Variants in IRAK3 observed in about 807,000 individuals in gnomAD.
IRAK3 encodes the protein interleukin 1 receptor associated kinase 3, also known as interleukin-1 receptor-associated kinase 3.
In IRAK3, 57 loss-of-function variants were observed where a neutral mutation model predicts 56.6. The ratio of observed to expected loss-of-function variants is 1.01; its 90% CI spans 0.81 to 1.26. The LOEUF (loss-of-function observed/expected upper bound fraction) is 1.26. Among genes scored for constraint, IRAK3 ranks in the 50% most tolerant of loss-of-function variants. The pLI, the probability that IRAK3 is intolerant of heterozygous loss-of-function variation, is 0.00. For synonymous variants in IRAK3, 258 were observed against 255.7 expected, an observed-to-expected ratio of 1.01 and a Z score of -0.09; for missense variants, 703 against 719.0, an observed-to-expected ratio of 0.98 and a Z score of 0.25.
intron 1 of IRAK3, chr12:66,197,630 G>A: frequency 1.0e-6 from 1 of 985,414 alleles, no homozygotes; most frequent in Middle Eastern, 5.2e-4. Context: ...CATTTTAACA[G>A]TCTGGATCAG....
chr12:66,212,370 T>A (rs910362335), intron 5 of IRAK3, among the ~76,000 whole-genome samples: 1 of 152,194 alleles, frequency 6.6e-6, no homozygotes, highest in Non-Finnish European at 1.5e-5. Flanking sequence ...AGACAGTTGA[T>A]TGACTGCAGC....
At position 66,235,160 on chromosome 12, in the gene IRAK3, T is replaced by A. The variant is rs967505345; in HGVS notation, c.887+6790T>A. 5 of 1,613,840 alleles carry A rather than the reference T, an allele frequency of 3.1e-6. No individual in the cohort carries two copies. In the African/African-American group the frequency reaches 6.7e-5, roughly 22 times the overall value. ...GTTGCTGCTGCTGCTACTGTTGTTA[T>A]TACTGCTGGTGGTGCTGGGACTGGG... On this transcript the variant is annotated intron_variant, in intron 8 of 11. Coordinates refer to ENST00000261233, the MANE Select transcript of IRAK3 (RefSeq NM_007199.3).
chr12:66,189,512 TG>T, intron 1 of IRAK3, 80 bp downstream of exon 1: 1 of 978,614 alleles, frequency 1.0e-6, no homozygotes, highest in Non-Finnish European at 1.3e-6. Flanking sequence ...CCTGCATGGC[TG>T]GGGTCCCTCG....
intron 5 of IRAK3, among the ~76,000 whole-genome samples, chr12:66,212,359 A>T (rs748325183): frequency 2.0e-5 from 3 of 152,206 alleles, no homozygotes; most frequent in African/African-American, 4.8e-5. Flanking sequence ...AGGAGGTCAG[A>T]AGACAGTTGA....
At chr12:66,203,939 CTG>C (rs1368378269) in intron 2 of IRAK3, 46 bp downstream of exon 2, 1 of 1,482,786 alleles carries the variant, frequency 6.7e-7, no homozygotes, top group Non-Finnish European at 9.4e-7. Flanking sequence ...GTAATAGGAA[CTG>C]TAATTTGTAA....
intron 11 of IRAK3, among the ~76,000 whole-genome samples, chr12:66,245,529 C>CTTTTTTT (rs745553622): frequency 6.6e-5 from 5 of 75,388 alleles, no homozygotes; most frequent in Non-Finnish European, 6.9e-5. Context: ...TTTATTCAAT[C>CTTTTTTT]TTTTTTTTTT....
At chr12:66,232,609 G>C (rs2052855249) in intron 8 of IRAK3, among the ~76,000 whole-genome samples, 1 of 152,168 alleles carries the variant, frequency 6.6e-6, no homozygotes, top group African/African-American at 2.4e-5. Context: ...TTACCCTCCT[G>C]AATCTCTTTT....
rs1348686082 is a variant in IRAK3, at chr12:66,251,673, T to C, written c.*3502T>C. ...TGACTCACTGCATAATATTGTAGTT[T>C]TATAGGGTGGCACATCACCCTGTGT... On this transcript the variant is annotated 3_prime_UTR_variant, in exon 12 of 12. Coordinates refer to ENST00000261233, the MANE Select transcript of IRAK3 (RefSeq NM_007199.3). The C allele has an allele frequency of 6.6e-6, 1 of 152,242 alleles. No homozygotes were observed. Among genetic ancestry groups the C allele is most frequent in the Non-Finnish European group, 1.5e-5 (1 of 68,046 alleles). The allele number at this position is 152,242 out of a possible 1,614,324, so 9.4% of individuals were successfully genotyped here. A position where few individuals can be genotyped will look rare whatever the true frequency, so the allele number is the denominator to read the frequency against.
At position 66,251,366 on chromosome 12, in the gene IRAK3, T is replaced by C. The variant is rs1016418652; in HGVS notation, c.*3195T>C. On this transcript the variant is annotated 3_prime_UTR_variant, in exon 12 of 12. Coordinates refer to ENST00000261233, the MANE Select transcript of IRAK3 (RefSeq NM_007199.3). ...TCTATGGGTAATAAGAGGATACCTT[T>C]ATAGTTTCATGATGTGGAGACCAAG... 6 of 152,208 alleles carry C rather than the reference T, an allele frequency of 3.9e-5. No homozygotes were observed. The highest frequency in any genetic ancestry group is 8.8e-5 in the Non-Finnish European group (6 of 68,040). 9.4% of individuals were successfully genotyped at this position (152,208 alleles called of 1,614,324 possible). A position where few individuals can be genotyped will look rare whatever the true frequency, so the allele number is the denominator to read the frequency against.
At position 66,202,684 on chromosome 12, in the gene IRAK3, A is replaced by G. The variant is rs1196411722; in HGVS notation, c.134-1027A>G. On this transcript the variant is annotated intron_variant, in intron 1 of 11. Coordinates refer to ENST00000261233, the MANE Select transcript of IRAK3 (RefSeq NM_007199.3). Reference sequence around the variant, plus strand: ...GCATGGTGGTGCAGTGCACACCTGTAGTTGCAGCTACTTGGGAGGCTGAGG... The same window carrying G: ...GCATGGTGGTGCAGTGCACACCTGTGGTTGCAGCTACTTGGGAGGCTGAGG... 2.6e-5 allele frequency among the ~76,000 whole-genome samples: 4 copies of G among 152,016 alleles called. No individual in the cohort carries two copies. In the East Asian group the frequency reaches 7.7e-4, roughly 29 times the overall value.
At chr12:66,245,705 G>A (rs2053025781) in intron 11 of IRAK3, among the ~76,000 whole-genome samples, 1 of 151,564 alleles carries the variant, frequency 6.6e-6, no homozygotes. Flanking sequence ...GCTAATTTTT[G>A]TATTTTTAAT....
intron 8 of IRAK3, among the ~76,000 whole-genome samples, chr12:66,238,320 T>C (rs972216603): frequency 3.3e-5 from 5 of 152,214 alleles, no homozygotes; most frequent in Non-Finnish European, 5.9e-5. Flanking sequence ...CAACGCCTGC[T>C]GAATAACTTG....
At position 66,228,330 on chromosome 12, in the gene IRAK3, A is replaced by G. The variant is rs1343526222; in HGVS notation, c.847A>G (p.Asn283Asp). 6 of 1,614,014 alleles carry G rather than the reference A, an allele frequency of 3.7e-6. No homozygotes were observed. Among genetic ancestry groups the G allele is most frequent in the Non-Finnish European group, 5.1e-6 (6 of 1,179,982 alleles). The change falls in exon 8 of 12, where the codon AAC becomes GAC. Residue 283 changes from asparagine (N) to aspartate (D), a missense_variant. By Grantham distance (23) the Asn-to-Asp change is conservative. Transcript: ENST00000261233. ...GISKAIHYLH[N>D]VQPCSVICGS... ...ATCCAAAGCCATTCACTACCTGCAC[A>G]ACGTTCAACCATGCTCGGTCATCTG...
intron 5 of IRAK3, among the ~76,000 whole-genome samples, chr12:66,214,169 A>G (rs1161894253): frequency 6.6e-6 from 1 of 152,110 alleles, no homozygotes; most frequent in Non-Finnish European, 1.5e-5. Flanking sequence ...TATGACTTAG[A>G]TTCTAGGTTA....
intron 6 of IRAK3, among the ~76,000 whole-genome samples, chr12:66,217,769 C>T (rs1267232496): frequency 6.6e-6 from 1 of 152,090 alleles, no homozygotes; most frequent in Non-Finnish European, 1.5e-5. Flanking sequence ...GGCCTCTAAC[C>T]CTGTAGAGTT....
chr12:66,205,898 T>G (rs1194690989), intron 2 of IRAK3, among the ~76,000 whole-genome samples: 2 of 152,196 alleles, frequency 1.3e-5, no homozygotes, highest in Non-Finnish European at 2.9e-5. Context: ...TTCACATCAG[T>G]AAAGCATTCT....
At chr12:66,211,084 C>T (rs1436066627) in intron 4 of IRAK3, among the ~76,000 whole-genome samples, 1 of 152,134 alleles carries the variant, frequency 6.6e-6, no homozygotes, top group Non-Finnish European at 1.5e-5. Context: ...GTCCATATTT[C>T]CACTTCCATA....
chr12:66,201,870 T>TA (rs565131171), intron 1 of IRAK3, among the ~76,000 whole-genome samples: 347 of 152,290 alleles, frequency 2.3e-3, no homozygotes, highest in Non-Finnish European at 3.6e-3. Context: ...CTAACTGTAT[T>TA]ACGAATGAAT....
At chr12:66,221,398 T>G (rs1001587977) in intron 6 of IRAK3, among the ~76,000 whole-genome samples, 1 of 152,204 alleles carries the variant, frequency 6.6e-6, no homozygotes, top group Non-Finnish European at 1.5e-5. Flanking sequence ...AGCTCTATCT[T>G]GAATAGAAAT....
Sources: allele counts gnomAD v4.1 joint callset (sites outside exome capture counted in the v4.1 genomes callset), GRCh38; gene constraint gnomAD v4.1.1; transcripts MANE v1.5; gene names NCBI Gene and HGNC (gene_info 2026-07-23, HGNC 2026-07-21).